The following GABRB1 variants were observed in gnomAD, a reference collection of about 807,000 sequenced individuals.
GABRB1 encodes the protein gamma-aminobutyric acid receptor subunit beta-1.
In GABRB1, 17 loss-of-function variants were observed where a neutral mutation model predicts 51.6. The ratio of observed to expected loss-of-function variants is 0.33; its 90% confidence interval spans 0.23 to 0.49. The LOEUF (loss-of-function observed/expected upper bound fraction) is 0.49, where lower values mean the gene tolerates loss of function less well. Ranked by LOEUF, GABRB1 falls within the 20% of genes least tolerant of loss-of-function variation. The pLI, the probability that GABRB1 is intolerant of heterozygous loss-of-function variation, is 0.99. For missense variants in GABRB1, 410 were observed against 600.6 expected (o/e 0.68, Z 3.32); for synonymous variants, 247 against 218.9 (o/e 1.13, Z -1.14).
intron 5 of GABRB1, among the ~76,000 whole-genome samples, chr4:47,333,576 A>T (rs1319494613): frequency 6.6e-6 from 1 of 152,080 alleles, no homozygotes; most frequent in African/African-American, 2.4e-5. Flanking sequence ...TTAGCTGGGC[A>T]TGGTGGCATA....
At chr4:47,120,840 T>C (rs1398316846) in intron 3 of GABRB1, among the ~76,000 whole-genome samples, 2 of 152,022 alleles carry the variant, frequency 1.3e-5, no homozygotes, top group African/African-American at 4.8e-5. Context: ...GCTGAGTTGA[T>C]ATCCAGGTTG....
At chr4:47,404,519 A>G (rs1246766678) in intron 7 of GABRB1, among the ~76,000 whole-genome samples, 1 of 140,240 alleles carries the variant, frequency 7.1e-6, no homozygotes, top group Non-Finnish European at 1.6e-5. Context: ...ACACACACAC[A>G]CACACACACA....
intron 3 of GABRB1, among the ~76,000 whole-genome samples, chr4:47,099,839 A>G (rs1216644244): frequency 6.6e-6 from 1 of 151,750 alleles, no homozygotes; most frequent in African/African-American, 2.4e-5. Context: ...CACTTAAAAA[A>G]AAACAACCAA....
At chr4:47,337,915 TG>T (rs1472593563) in intron 5 of GABRB1, among the ~76,000 whole-genome samples, 1 of 150,904 alleles carries the variant, frequency 6.6e-6, no homozygotes, top group African/African-American at 2.4e-5. Flanking sequence ...ACTCAATAAA[TG>T]GGGGTAACAA....
intron 4 of GABRB1, among the ~76,000 whole-genome samples, chr4:47,307,650 T>C (rs1483941722): frequency 6.6e-6 from 1 of 152,054 alleles, no homozygotes; most frequent in African/African-American, 2.4e-5. Context: ...TTCATCTAAG[T>C]AACTGAATAA....
intron 4 of GABRB1, among the ~76,000 whole-genome samples, chr4:47,248,670 A>C (rs910162659): frequency 1.3e-5 from 2 of 151,784 alleles, no homozygotes; most frequent in East Asian, 3.9e-4. Flanking sequence ...TTAAATTACT[A>C]TTTGAATCTC....
chr4:47,168,032 G>A (rs1718271813), intron 4 of GABRB1, among the ~76,000 whole-genome samples: 1 of 152,150 alleles, frequency 6.6e-6, no homozygotes, highest in South Asian at 2.1e-4. Context: ...TGTTGAGTGT[G>A]TATGTAGGTC....
intron 5 of GABRB1, among the ~76,000 whole-genome samples, chr4:47,330,157 G>A (rs1418975670): frequency 6.6e-6 from 1 of 152,188 alleles, no homozygotes; most frequent in Non-Finnish European, 1.5e-5. Context: ...TCAGGGGAGA[G>A]TCAGTTTATT....
chr4:47,316,157 CATATAT>C (rs1311371004), intron 4 of GABRB1, among the ~76,000 whole-genome samples: 2 of 151,906 alleles, frequency 1.3e-5, no homozygotes, highest in Admixed American at 6.6e-5. Flanking sequence ...GTAAAATATA[CATATAT>C]AATTTACCAT....
intron 3 of GABRB1, among the ~76,000 whole-genome samples, chr4:47,085,332 C>G (rs1221916226): frequency 6.6e-6 from 1 of 152,162 alleles, no homozygotes. Flanking sequence ...TGTTATTCTA[C>G]TTTAGATTTT....
intron 3 of GABRB1, among the ~76,000 whole-genome samples, chr4:47,118,325 T>A (rs1179219707): frequency 6.6e-6 from 1 of 152,158 alleles, no homozygotes; most frequent in Non-Finnish European, 1.5e-5. Flanking sequence ...AGAGACTCAT[T>A]CACAGGACTC....
chr4:47,064,759 C>A (rs1246902966), intron 3 of GABRB1, among the ~76,000 whole-genome samples: 1 of 151,854 alleles, frequency 6.6e-6, no homozygotes, highest in Admixed American at 6.6e-5. Flanking sequence ...GATGACAGCA[C>A]CATGACTGAA....
At chr4:47,016,005 G>A (rs1410719288) in intron 1 of GABRB1, among the ~76,000 whole-genome samples, 2 of 152,196 alleles carry the variant, frequency 1.3e-5, no homozygotes, top group African/African-American at 4.8e-5. Context: ...ACTAGACCTT[G>A]AAAGTTCACA....
upstream of GABRB1, among the ~76,000 whole-genome samples, chr4:47,028,693 CCTT>C (rs1225913950): frequency 6.6e-6 from 1 of 150,426 alleles, no homozygotes; most frequent in African/African-American, 2.4e-5. Context: ...AGTGTGGTAT[CCTT>C]CTTATTTTTG....
chr4:47,425,871 G>A lies in GABRB1; in HGVS notation c.1278G>A (p.Lys426=), dbSNP rs973420102. 1.2e-5 allele frequency: 19 copies of A among 1,614,032 alleles called. No homozygotes were observed. The highest frequency in any genetic ancestry group is 1.5e-5 in the Non-Finnish European group (18 of 1,180,028). Residue 426 remains lysine, a synonymous_variant, in exon 9 of 9, where the codon AAG becomes AAA. Coordinates refer to ENST00000295454, the MANE Select transcript of GABRB1 (RefSeq NM_000812.4). ...RALDRHGVPS[K]GRIRRRASQL... is the part of the protein sequence containing the mutation. ...TGGACCGGCACGGGGTACCCAGCAA[G>A]GGGCGCATCCGCAGGCGTGCCTCCC...
At chr4:47,218,394 T>G (rs915350127) in intron 4 of GABRB1, among the ~76,000 whole-genome samples, 3 of 151,868 alleles carry the variant, frequency 2.0e-5, no homozygotes, top group Non-Finnish European at 4.4e-5. Context: ...CTATTTTTAG[T>G]TTTTTGAGAA....
intron 5 of GABRB1, among the ~76,000 whole-genome samples, chr4:47,391,845 C>T (rs879330294): frequency 2.0e-5 from 3 of 151,982 alleles, no homozygotes; most frequent in Admixed American, 6.6e-5. Context: ...TTCTAGGCAT[C>T]GGGAATTTTT....
chr4:47,233,649 G>A (rs1000379700), intron 4 of GABRB1, among the ~76,000 whole-genome samples: 39 of 152,040 alleles, frequency 2.6e-4, no homozygotes, highest in African/African-American at 9.4e-4. Context: ...AAACTGTACT[G>A]CAATTTCTCC....
At chr4:47,046,554 A>G (rs1726099767) in intron 3 of GABRB1, among the ~76,000 whole-genome samples, 1 of 152,082 alleles carries the variant, frequency 6.6e-6, no homozygotes, top group Non-Finnish European at 1.5e-5. Flanking sequence ...AATGGCACCA[A>G]AAAAGGTCCT....
Sources: gnomAD v4.1 joint callset for allele counts (sites outside exome capture counted in the v4.1 genomes callset) on GRCh38, gnomAD v4.1.1 for gene constraint, MANE v1.5 for transcripts, NCBI Gene and HGNC (gene_info 2026-07-23, HGNC 2026-07-21) for gene names.